XIRP2: variants seen among roughly 807,000 people sequenced by gnomAD.
The protein encoded by XIRP2 is xin actin-binding repeat-containing protein 2.
A neutral mutation model predicts 277.0 loss-of-function variants in XIRP2; 236 were observed. That is an observed-to-expected ratio of 0.85 (90% confidence interval 0.77 to 0.95). The LOEUF is 0.95. XIRP2 is among the 40% of genes least tolerant of loss of function. The pLI is 0.00. For synonymous variants in XIRP2, 1,490 were observed against 1,416.5 expected, an observed-to-expected ratio of 1.05 and a Z score of -1.17; for missense variants, 4,640 against 4,157.5, an observed-to-expected ratio of 1.12 and a Z score of -3.19.
intron 3 of XIRP2, among the ~76,000 whole-genome samples, chr2:167,179,787 G>A (rs1229982796): frequency 1.3e-5 from 2 of 152,034 alleles, no homozygotes; most frequent in Non-Finnish European, 2.9e-5. Flanking sequence ...CTATAGGCAT[G>A]TGCCACTGCA....
At chr2:166,896,905 A>G (rs763788367) in intron 1 of XIRP2, among the ~76,000 whole-genome samples, 1 of 152,138 alleles carries the variant, frequency 6.6e-6, no homozygotes, top group African/African-American at 2.4e-5. Context: ...ATACACAAAT[A>G]CTTACTATTG....
At chr2:166,944,872 TG>T (rs1274417088) in intron 2 of XIRP2, among the ~76,000 whole-genome samples, 1 of 152,184 alleles carries the variant, frequency 6.6e-6, no homozygotes, top group Non-Finnish European at 1.5e-5. Flanking sequence ...GATTGCAGAT[TG>T]GCTATAGAGA....
At chr2:167,228,883 G>T (rs1193482361) in intron 5 of XIRP2, among the ~76,000 whole-genome samples, 2 of 152,044 alleles carry the variant, frequency 1.3e-5, no homozygotes, top group African/African-American at 4.8e-5. Context: ...AAACCTATTT[G>T]TTCCTATAGA....
In XIRP2 at chr2:167,259,372, T is replaced by C. The variant is rs752580859; in HGVS notation, c.*1555T>C. On this transcript the variant is annotated 3_prime_UTR_variant, in exon 11 of 11. Coordinates refer to ENST00000409195, the MANE Select transcript of XIRP2 (RefSeq NM_152381.6). Reference sequence around the variant, plus strand: ...ACAGTGACACTGAGTAAAATATCTATGGCCACTGACAGTCCACACTTAGGC... The same window carrying C: ...ACAGTGACACTGAGTAAAATATCTACGGCCACTGACAGTCCACACTTAGGC... 6 of 1,591,250 alleles carry C rather than the reference T, an allele frequency of 3.8e-6. No homozygotes were observed. The highest frequency in any genetic ancestry group is 1.8e-5 in the Admixed American group (1 of 55,680).
chr2:167,214,759 G>A (rs1694194059), intron 4 of XIRP2, among the ~76,000 whole-genome samples: 1 of 151,940 alleles, frequency 6.6e-6, no homozygotes, highest in Admixed American at 6.6e-5. Context: ...AGTAGAGACG[G>A]GGTTTCCCCA....
chr2:166,926,189 A>G (rs367830080), intron 2 of XIRP2, among the ~76,000 whole-genome samples: 4 of 152,092 alleles, frequency 2.6e-5, no homozygotes, highest in Admixed American at 2.0e-4. Context: ...TTCTTATCCA[A>G]CTATGTTTGG....
intron 2 of XIRP2, among the ~76,000 whole-genome samples, chr2:167,080,105 A>T (rs548782912): frequency 7.7e-4 from 117 of 152,280 alleles, no homozygotes; most frequent in African/African-American, 2.7e-3. Flanking sequence ...AATCCAGGCA[A>T]GATATGATGG....
At chr2:167,132,625 C>T (rs920912123) in intron 2 of XIRP2, among the ~76,000 whole-genome samples, 40 of 152,252 alleles carry the variant, frequency 2.6e-4, no homozygotes, top group African/African-American at 9.1e-4. Context: ...GATCTGCTCC[C>T]GGCCTGCCTC....
At chr2:167,187,602 G>A in intron 3 of XIRP2, 4 of 935,946 alleles carry the variant, frequency 4.3e-6, no homozygotes, top group Non-Finnish European at 5.1e-6. Flanking sequence ...GGTTACTTAA[G>A]GTCAATGAAG....
chr2:167,063,666 A>C (rs777638835), intron 2 of XIRP2, among the ~76,000 whole-genome samples: 1 of 151,858 alleles, frequency 6.6e-6, no homozygotes, highest in Non-Finnish European at 1.5e-5. Context: ...ACACCTTTTC[A>C]TTATATAATG....
At chr2:167,151,705 G>A (rs1263228790) in intron 3 of XIRP2, among the ~76,000 whole-genome samples, 1 of 152,028 alleles carries the variant, frequency 6.6e-6, no homozygotes, top group African/African-American at 2.4e-5. Flanking sequence ...AAATGAAAAC[G>A]CTTGCTTCAA....
chr2:167,060,722 G>A (rs1364708047), intron 2 of XIRP2, among the ~76,000 whole-genome samples: 1 of 152,050 alleles, frequency 6.6e-6, no homozygotes, highest in East Asian at 1.9e-4. Flanking sequence ...TTGGTGCATT[G>A]ATTTATATTT....
intron 2 of XIRP2, among the ~76,000 whole-genome samples, chr2:166,907,689 G>T (rs1684562648): frequency 6.6e-6 from 1 of 150,424 alleles, no homozygotes; most frequent in Non-Finnish European, 1.5e-5. Context: ...ATGTATACAT[G>T]TGCCGTGTTG....
At chr2:167,231,050 CTTATT>C (rs1290949224) in intron 5 of XIRP2, among the ~76,000 whole-genome samples, 1 of 151,964 alleles carries the variant, frequency 6.6e-6, no homozygotes, top group Non-Finnish European at 1.5e-5. Flanking sequence ...CCTCATTTTC[CTTATT>C]TTAAAGAAAA....
At chr2:167,074,695 A>G (rs1455021690) in intron 2 of XIRP2, among the ~76,000 whole-genome samples, 3 of 151,816 alleles carry the variant, frequency 2.0e-5, no homozygotes, top group South Asian at 4.2e-4. Flanking sequence ...ACTGGAGTGC[A>G]GTAACAGAAT....
Position 167,243,875 on chromosome 2 carries a change from T to C in XIRP2, c.2483T>C (p.Ile828Thr), listed in dbSNP as rs199668105. 36 of 1,613,676 alleles carry C rather than the reference T, an allele frequency of 2.2e-5. No homozygotes were observed. The highest frequency in any genetic ancestry group is 3.1e-5 in the Non-Finnish European group (36 of 1,179,890). ...ATCAAAGAGTCAGAAGAGGTCATCA[T>C]TGAAAAGGAAAAAATAATAGGTACA... ...EKIKESEEVI[I>T]EKEKIIGTDV... The change falls in exon 9 of 11, where the codon ATT becomes ACT. Residue 828 changes from isoleucine to threonine, a missense_variant. Coordinates refer to ENST00000409195, the MANE Select transcript of XIRP2 (RefSeq NM_152381.6).
chr2:167,038,532 C>A (rs1160418561), intron 2 of XIRP2, among the ~76,000 whole-genome samples: 1 of 150,724 alleles, frequency 6.6e-6, no homozygotes, highest in Non-Finnish European at 1.5e-5. Context: ...CCAGAGAAAG[C>A]TTAGTTCTGG....
chr2:167,090,514 C>CTTGCAAG (rs1281862864), intron 2 of XIRP2, among the ~76,000 whole-genome samples: 1 of 151,966 alleles, frequency 6.6e-6, no homozygotes, highest in Non-Finnish European at 1.5e-5. Context: ...TTTTATTTTA[C>CTTGCAAG]TTGCAAGTTG....
intron 3 of XIRP2, among the ~76,000 whole-genome samples, chr2:167,204,792 T>A (rs953140168): frequency 2.6e-5 from 4 of 152,220 alleles, no homozygotes; most frequent in Non-Finnish European, 5.9e-5. Flanking sequence ...ATTTTCCAAT[T>A]TTTATTTTCT....
Sources: allele counts gnomAD v4.1 joint callset (sites outside exome capture counted in the v4.1 genomes callset), GRCh38; gene constraint gnomAD v4.1.1; transcripts MANE v1.5; gene names NCBI Gene and HGNC (gene_info 2026-07-23, HGNC 2026-07-21).